The following FCHO1 variants were observed in gnomAD, a reference collection of about 807,000 sequenced individuals.
The protein encoded by FCHO1 is F-BAR domain only protein 1.
A neutral mutation model predicts 114.4 loss-of-function variants in FCHO1; 45 were observed. The observed-to-expected ratio is 0.39, with a 90% CI of 0.31 to 0.50. The LOEUF is 0.50. Among genes scored for constraint, FCHO1 ranks in the 20% least tolerant of loss-of-function variants. FCHO1 has a pLI of 0.77. For synonymous variants in FCHO1, 480 were observed against 488.9 expected (o/e 0.98, Z 0.24); for missense variants, 1,042 against 1,209.6 (o/e 0.86, Z 2.06).
Position 17,772,649 on chromosome 19 carries a change from A to T in FCHO1, c.698A>T (p.His233Leu), listed in dbSNP as rs756562213. ...CACCCCGCCCACCCGGCACAGGTGC[A>T]TGAGGAATTTAAGCAGAACATCGAG... is the stretch of plus-strand genomic sequence containing the variant. ...EDTHVQIGQV[H>L]EEFKQNIENV... is the part of the protein sequence containing the mutation. The change falls in exon 11 of 29, where the codon CAT becomes CTT. Residue 233 changes from histidine to leucine, a missense_variant. By Grantham distance (99) the His-to-Leu change is moderately conservative. Transcript: ENST00000596536. 1.2e-6 allele frequency: 2 copies of T among 1,614,100 alleles called. No individual in the cohort carries two copies.
At chr19:17,764,259 T>C in intron 5 of FCHO1, 116 bp from the exon 6 acceptor site, 1 of 1,051,116 alleles carries the variant, frequency 9.5e-7, no homozygotes, top group East Asian at 2.5e-5. Context: ...CAGGCTGGTC[T>C]TGAACTCCTA....
Position 17,781,700 on chromosome 19 carries a change from C to G in FCHO1, c.1829-12C>G. 1.1e-5 allele frequency: 18 copies of G among 1,591,712 alleles called. No individual in the cohort carries two copies. Among genetic ancestry groups the G allele is most frequent in the Non-Finnish European group, 1.5e-5 (18 of 1,167,362 alleles). On this transcript the variant is annotated splice_polypyrimidine_tract_variant and intron_variant, in intron 22 of 28. Coordinates refer to ENST00000596536, the MANE Select transcript of FCHO1 (RefSeq NM_015122.3). ...TATCCGTTGTTCCCCATTCCCTCTC[C>G]ACCACCCCCAGGAGTCTCCCGGGGT... is the stretch of plus-strand genomic sequence containing the variant.
At position 17,778,820 on chromosome 19, in the gene FCHO1, A is replaced by G; in HGVS notation, c.1563A>G (p.Pro521=). 6.4e-7 allele frequency: 1 copy of G among 1,551,944 alleles called. No individual in the cohort carries two copies. Among genetic ancestry groups the G allele is most frequent in the Non-Finnish European group, 8.7e-7 (1 of 1,155,846 alleles). ...EARGIRAPPL[P]DSPQPLASSP... ...GGGGTATCCGGGCACCGCCTCTGCC[A>G]GACTCGCCGCAGCCCCTCGCCTCGT... Residue 521 remains proline (P), a synonymous_variant, in exon 20 of 29, where the codon CCA becomes CCG. Transcript: ENST00000596536.
intron 28 of FCHO1, 88 bp downstream of exon 28, chr19:17,787,934 G>A: frequency 6.9e-7 from 1 of 1,454,628 alleles, no homozygotes; most frequent in East Asian, 2.4e-5. Flanking sequence ...TTGGGGTGTG[G>A]GGATCCTTGG....
intron 24 of FCHO1, 119 bp downstream of exon 24, chr19:17,783,291 G>T: frequency 8.9e-7 from 1 of 1,121,508 alleles, no homozygotes. Flanking sequence ...TGTAGAGACG[G>T]AGTCTTGCTC....
At chr19:17,773,392 G>A (rs895881618) in intron 11 of FCHO1, among the ~76,000 whole-genome samples, 4 of 152,214 alleles carry the variant, frequency 2.6e-5, no homozygotes, top group Non-Finnish European at 2.9e-5. Flanking sequence ...CTGGTATACA[G>A]TTACGTCCTC....
intron 27 of FCHO1, among the ~76,000 whole-genome samples, chr19:17,787,284 G>A (rs955341583): frequency 2.0e-5 from 3 of 146,454 alleles, no homozygotes; most frequent in Non-Finnish European, 4.5e-5. Flanking sequence ...AGTGGCATAG[G>A]TCTGTAATCC....
At chr19:17,757,463 C>T (rs1438066525) in intron 4 of FCHO1, among the ~76,000 whole-genome samples, 1 of 152,100 alleles carries the variant, frequency 6.6e-6, no homozygotes, top group Non-Finnish European at 1.5e-5. Flanking sequence ...CAGCCTCATC[C>T]CAGCAAGACC....
chr19:17,763,167 G>C (rs2087064740), intron 5 of FCHO1, among the ~76,000 whole-genome samples: 1 of 151,012 alleles, frequency 6.6e-6, no homozygotes, highest in African/African-American at 2.4e-5. Flanking sequence ...CCCAATCATA[G>C]CTCACTGCAG....
chr19:17,749,061 A>G (rs1277532937), upstream of FCHO1, among the ~76,000 whole-genome samples: 1 of 152,080 alleles, frequency 6.6e-6, no homozygotes, highest in Non-Finnish European at 1.5e-5. Flanking sequence ...AATGGCTGGG[A>G]TGGGGCATCG....
In FCHO1 at chr19:17,784,114, A is replaced by G. The variant is rs1163298954; in HGVS notation, c.2105A>G (p.Gln702Arg). 3 of 1,614,116 alleles carry G rather than the reference A, an allele frequency of 1.9e-6. No individual in the cohort carries two copies. The highest frequency in any genetic ancestry group is 4.5e-5 in the East Asian group (2 of 44,890). ...CCGGGTCTCTGCAGTGACCCCTCCC[A>G]GAGTGACCCTGAGACCAAAGACTTC... Reference protein sequence around the residue: ...NADLLFSDPSQSDPETKDFWL... With the variant: ...NADLLFSDPSRSDPETKDFWL... Residue 702 changes from glutamine (Q) to arginine (R), a missense_variant, in exon 25 of 29, where the codon CAG (glutamine) becomes CGG (arginine). Physicochemically the swap from Gln to Arg is conservative, Grantham distance 43. This residue lies in a region of FCHO1 where 455 missense variants were observed against 455.4 expected (regional missense o/e 1.00). Transcript: ENST00000596536. This position sits in a 1 kb window ranked among gnomAD's most constrained non-coding sequence, Gnocchi z 5.3.
intron 27 of FCHO1, among the ~76,000 whole-genome samples, 193 bp from the exon 28 acceptor site, chr19:17,787,489 G>A (rs556561998): frequency 1.4e-4 from 22 of 152,158 alleles, no homozygotes; most frequent in Admixed American, 1.4e-3. Flanking sequence ...AAGGCCCTGA[G>A]GCAGGACTCC....
chr19:17,769,599 A>G (rs1395322130), intron 7 of FCHO1, among the ~76,000 whole-genome samples: 2 of 114,450 alleles, frequency 1.7e-5, no homozygotes, highest in Non-Finnish European at 4.3e-5. Flanking sequence ...ACACACACAC[A>G]CACACACACA....
chr19:17,775,188 AG>A lies in FCHO1; in HGVS notation c.945+112del. The stretch of plus-strand genomic sequence containing the variant: ...ACTGGAAACTAAAGAGCCGAGATTG[AG>A]GGGCGGGCTGGAGCCTGGGGGCTGG... On this transcript the variant is annotated intron_variant, in intron 14 of 28. Coordinates refer to ENST00000596536, the MANE Select transcript of FCHO1 (RefSeq NM_015122.3). The surrounding 1 kb of genome is among the most constrained non-coding windows in gnomAD (Gnocchi z 5.1). 1 of 1,297,120 alleles carries A rather than the reference AG, an allele frequency of 7.7e-7. No homozygotes were observed. The highest frequency in any genetic ancestry group is 1.1e-6 in the Non-Finnish European group (1 of 928,582). 80.4% of individuals were successfully genotyped at this position (1,297,120 alleles called of 1,614,324 possible). A position where few individuals can be genotyped will look rare whatever the true frequency, so the allele number is the denominator to read the frequency against.
At position 17,783,095 on chromosome 19, in the gene FCHO1, A is replaced by C. The variant is rs755522440; in HGVS notation, c.2016A>C (p.Pro672=). ...GIVRVFSGTP[P]PPVLSFRLVH... ...TGCGTGTGTTCAGCGGGACCCCACC[A>C]CCACCTGTCCTCAGCTTCCGGCTTG... Residue 672 remains proline (P), a synonymous_variant, in exon 24 of 29, where the codon CCA becomes CCC. Coordinates refer to ENST00000596536, the MANE Select transcript of FCHO1 (RefSeq NM_015122.3). 21 of 1,613,810 alleles carry C rather than the reference A, an allele frequency of 1.3e-5. No individual in the cohort carries two copies. In the South Asian group the frequency reaches 2.0e-4, roughly 15 times the overall value.
At position 17,775,920 on chromosome 19, in the gene FCHO1, A is replaced by T; in HGVS notation, c.1004-63A>T. The T allele has an allele frequency of 6.4e-7, 1 of 1,573,400 alleles. No homozygotes were observed. The highest frequency in any genetic ancestry group is 1.3e-5 in the African/African-American group (1 of 74,560). ...TTTGAGCAGGGAGGGACGAGGCTGG[A>T]TTGGAGAGCTGACTGGGGGAAAGCT... On this transcript the variant is annotated intron_variant, in intron 15 of 28. Transcript: ENST00000596536. The surrounding 1 kb of genome is among the most constrained non-coding windows in gnomAD (Gnocchi z 5.1).
At chr19:17,756,084 A>T (rs909643856) in intron 4 of FCHO1, among the ~76,000 whole-genome samples, 2 of 152,218 alleles carry the variant, frequency 1.3e-5, no homozygotes, top group Admixed American at 1.3e-4. Context: ...CTGAGCTTGC[A>T]GTGAGGAAGC....
intron 6 of FCHO1, among the ~76,000 whole-genome samples, chr19:17,765,235 G>A (rs541439855): frequency 1.0e-3 from 157 of 152,256 alleles, no homozygotes; most frequent in Non-Finnish European, 8.4e-4. Flanking sequence ...CAGCCAGTGC[G>A]AAGGCCCTGA....
intron 1 of FCHO1, among the ~76,000 whole-genome samples, chr19:17,752,974 C>T (rs764867642): frequency 6.6e-6 from 1 of 151,958 alleles, no homozygotes; most frequent in Non-Finnish European, 1.5e-5. Context: ...CTCAGCTACT[C>T]GGGAGGCTAC....
Sources: gnomAD v4.1 joint callset for allele counts (sites outside exome capture counted in the v4.1 genomes callset) on GRCh38, gnomAD v4.1.1 for gene constraint, gnomAD v4.1.1 regional missense constraint, Gnocchi (gnomAD v3.1) non-coding constraint, MANE v1.5 for transcripts, NCBI Gene and HGNC (gene_info 2026-07-23, HGNC 2026-07-21) for gene names.